The following CEP128 variants were observed in gnomAD, a reference collection of about 807,000 sequenced individuals.
CEP128 encodes centrosomal protein 128kDa.
Under a neutral mutation model 156.7 loss-of-function variants are expected in CEP128, and 132 were observed. The observed-to-expected ratio is 0.84, with a 90% CI of 0.73 to 0.97. The LOEUF is 0.97. Among genes scored for constraint, CEP128 ranks in the 50% least tolerant of loss-of-function variants. The probability of loss-of-function intolerance (pLI) is 0.00; values close to 1 mark genes in which losing one functional copy is unlikely to be tolerated. For synonymous variants in CEP128, 469 were observed against 448.9 expected, an observed-to-expected ratio of 1.04 and a Z score of -0.57; for missense variants, 1,252 against 1,281.9, an observed-to-expected ratio of 0.98 and a Z score of 0.36.
intron 9 of CEP128, among the ~76,000 whole-genome samples, chr14:80,857,529 T>C (rs1887248893): frequency 6.6e-6 from 1 of 151,752 alleles, no homozygotes; most frequent in Non-Finnish European, 1.5e-5. Flanking sequence ...GGTCAGGAGT[T>C]TAAGACCAGC....
At chr14:80,579,814 G>A (rs1891511835) in intron 20 of CEP128, among the ~76,000 whole-genome samples, 1 of 152,210 alleles carries the variant, frequency 6.6e-6, no homozygotes, top group Non-Finnish European at 1.5e-5. Context: ...GAGAACTTCT[G>A]TCAGATGCCA....
intron 19 of CEP128, among the ~76,000 whole-genome samples, chr14:80,617,217 A>ATTTT (rs1555382736): frequency 8.4e-4 from 36 of 43,100 alleles, no homozygotes; most frequent in Admixed American, 1.3e-3. Flanking sequence ...TGTGAATATC[A>ATTTT]TCTTTTTTTT....
At chr14:80,516,563 G>A (rs991035756) in intron 23 of CEP128, among the ~76,000 whole-genome samples, 1 of 152,178 alleles carries the variant, frequency 6.6e-6, no homozygotes, top group African/African-American at 2.4e-5. Context: ...AGTTTATTGA[G>A]AATCCCACAG....
intron 15 of CEP128, 121 bp downstream of exon 15, chr14:80,784,774 G>T: frequency 1.1e-6 from 1 of 905,954 alleles, no homozygotes; most frequent in Non-Finnish European, 1.7e-6. Flanking sequence ...TTTATTGTTG[G>T]TTTTATCTTC....
At chr14:80,647,074 T>C (rs1296444853) in intron 19 of CEP128, among the ~76,000 whole-genome samples, 3 of 56,172 alleles carry the variant, frequency 5.3e-5, no homozygotes, top group South Asian at 5.5e-4. Flanking sequence ...TATATATATA[T>C]ATATATATAT....
At chr14:80,647,034 C>T (rs1332233867) in intron 19 of CEP128, among the ~76,000 whole-genome samples, 43 of 17,346 alleles carry the variant, frequency 2.5e-3, no homozygotes, top group South Asian at 4.8e-3. Flanking sequence ...TATATGTGTG[C>T]ATGTATATAT....
At chr14:80,824,653 C>T (rs1885371479) in intron 13 of CEP128, among the ~76,000 whole-genome samples, 2 of 152,204 alleles carry the variant, frequency 1.3e-5, no homozygotes, top group African/African-American at 4.8e-5. Flanking sequence ...CAACAAGTTG[C>T]TCATTTCCAT....
intron 14 of CEP128, among the ~76,000 whole-genome samples, chr14:80,478,895 CT>C (rs1682704478): frequency 6.6e-6 from 1 of 152,162 alleles, no homozygotes; most frequent in South Asian, 2.1e-4. Flanking sequence ...GTCCAGTTAG[CT>C]TTGTCACTCA....
intron 19 of CEP128, among the ~76,000 whole-genome samples, chr14:80,687,139 T>C (rs1595218353): frequency 1.3e-5 from 2 of 152,130 alleles, no homozygotes; most frequent in East Asian, 3.8e-4. Context: ...CAGTACCACA[T>C]GGTACTTACT....
chr14:80,649,969 G>A (rs767991536), intron 19 of CEP128, among the ~76,000 whole-genome samples: 1 of 152,062 alleles, frequency 6.6e-6, no homozygotes, highest in East Asian at 1.9e-4. Context: ...AATGGTAGCT[G>A]GATGGGGATA....
At position 80,559,451 on chromosome 14, in the gene CEP128, T is replaced by C. The variant is rs116683056; in HGVS notation, c.2857-149A>G. The stretch of plus-strand genomic sequence containing the variant: ...AATGAGAACTATTCAGAATGATCTC[T>C]AGAACAGAAAAATAGTCATCAAAGA... On this transcript the variant is annotated intron_variant, in intron 20 of 24. Coordinates refer to ENST00000555265, the MANE Select transcript of CEP128 (RefSeq NM_152446.5). 3.7e-3 allele frequency: 2,325 copies of C among 627,924 alleles called. 39 individuals carry two copies. In the African/African-American group the frequency reaches 0.04, roughly 11 times the overall value. 38.9% of individuals were successfully genotyped at this position (627,924 alleles called of 1,614,324 possible).
chr14:80,895,130 C>T (rs952187676), intron 8 of CEP128, among the ~76,000 whole-genome samples: 1 of 151,878 alleles, frequency 6.6e-6, no homozygotes, highest in Admixed American at 6.6e-5. Context: ...TATTTTTTTA[C>T]CTTAATTCCA....
intron 19 of CEP128, among the ~76,000 whole-genome samples, chr14:80,656,186 T>C (rs117997120): frequency 0.027 from 4,033 of 149,438 alleles, 74 homozygotes; most frequent in Non-Finnish European, 0.042. Flanking sequence ...ATAAGGATGT[T>C]CTCCATCAAA....
intron 6 of CEP128, among the ~76,000 whole-genome samples, chr14:80,900,933 G>A (rs1299692165): frequency 1.3e-5 from 2 of 151,882 alleles, no homozygotes; most frequent in Admixed American, 6.6e-5. Flanking sequence ...GTGGCCGGGC[G>A]CGGTGGCTCA....
At chr14:80,921,739 G>A (rs1006664776) in intron 2 of CEP128, among the ~76,000 whole-genome samples, 17 of 152,120 alleles carry the variant, frequency 1.1e-4, no homozygotes, top group African/African-American at 3.1e-4. Context: ...CAAGGCAGGC[G>A]GACTGCCTCA....
At chr14:80,683,911 C>A (rs925461197) in intron 19 of CEP128, among the ~76,000 whole-genome samples, 1 of 151,912 alleles carries the variant, frequency 6.6e-6, no homozygotes, top group Non-Finnish European at 1.5e-5. Context: ...AAAACAGAGA[C>A]ACAACATACC....
In CEP128 at chr14:80,619,404, A is replaced by ACACACACACACACACACACG. The variant is rs1893374260; in HGVS notation, c.2807-38982_2807-38981insCGTGTGTGTGTGTGTGTGTG. 2.6e-5 allele frequency among the ~76,000 whole-genome samples: 4 copies of ACACACACACACACACACACG among 151,802 alleles called. No individual in the cohort carries two copies. The South Asian group carries it at 8.3e-4, about 32-fold the overall frequency. On this transcript the variant is annotated intron_variant, in intron 19 of 24. Transcript: ENST00000555265. ...CACACACACACACACACACACACAC[A>ACACACACACACACACACACG]CAAATAGAAAACAGGCCTGGCATGG...
intron 19 of CEP128, among the ~76,000 whole-genome samples, chr14:80,679,034 T>C (rs886659659): frequency 6.6e-6 from 1 of 152,212 alleles, no homozygotes; most frequent in Non-Finnish European, 1.5e-5. Flanking sequence ...TTTATCACTT[T>C]CCAAATAATA....
At chr14:80,822,143 C>T (rs1231902362) in intron 13 of CEP128, among the ~76,000 whole-genome samples, 1 of 152,100 alleles carries the variant, frequency 6.6e-6, no homozygotes, top group Non-Finnish European at 1.5e-5. Flanking sequence ...CCGCCCCTGG[C>T]CCCTCCAAAT....
Sources: gnomAD v4.1 joint callset for allele counts (sites outside exome capture counted in the v4.1 genomes callset) on GRCh38, gnomAD v4.1.1 for gene constraint, MANE v1.5 for transcripts, NCBI Gene and HGNC (gene_info 2026-07-23, HGNC 2026-07-21) for gene names.